Variants in RBFOX1 observed in about 807,000 individuals in gnomAD.
The protein encoded by RBFOX1 is RNA binding protein fox-1 homolog 1.
Under a neutral mutation model 57.7 loss-of-function variants are expected in RBFOX1, and 8 were observed. The observed-to-expected ratio is 0.14, with a 90% CI of 0.08 to 0.25. The LOEUF (loss-of-function observed/expected upper bound fraction) is 0.25. Among genes scored for constraint, RBFOX1 ranks in the 10% least tolerant of loss-of-function variants. The probability of loss-of-function intolerance (pLI) is 1.00; values close to 1 mark genes in which losing one functional copy is unlikely to be tolerated. For synonymous variants in RBFOX1, 326 were observed against 222.4 expected, an observed-to-expected ratio of 1.47 and a Z score of -4.15; for missense variants, 611 against 548.5, an observed-to-expected ratio of 1.11 and a Z score of -1.14.
At chr16:6,135,069 C>A (rs977455329) in intron 1 of RBFOX1, among the ~76,000 whole-genome samples, 2 of 151,484 alleles carry the variant, frequency 1.3e-5, no homozygotes, top group African/African-American at 4.8e-5. Flanking sequence ...TTGTTCAATT[C>A]CCACCTGTGA....
intron 4 of RBFOX1, among the ~76,000 whole-genome samples, chr16:5,900,701 G>C (rs1285012057): frequency 6.6e-6 from 1 of 152,134 alleles, no homozygotes; most frequent in Non-Finnish European, 1.5e-5. Context: ...CAAGTCATGC[G>C]GGGTTCTTGG....
intron 1 of RBFOX1, among the ~76,000 whole-genome samples, chr16:5,268,428 A>G (rs1428135535): frequency 6.6e-6 from 1 of 151,996 alleles, no homozygotes; most frequent in Non-Finnish European, 1.5e-5. Flanking sequence ...AAGAGTTAGG[A>G]TTTCAAAGAC....
At chr16:6,900,330 C>G (rs1296428001) in intron 3 of RBFOX1, among the ~76,000 whole-genome samples, 1 of 152,222 alleles carries the variant, frequency 6.6e-6, no homozygotes, top group East Asian at 1.9e-4. Context: ...TCATCTCCCC[C>G]TGGAGCTACC....
chr16:7,422,982 C>G (rs934203620), intron 4 of RBFOX1: 8 of 152,324 alleles, frequency 5.3e-5, no homozygotes, highest in East Asian at 3.9e-4. Flanking sequence ...GTCCTTTACA[C>G]TGACACCTGG....
intron 2 of RBFOX1, among the ~76,000 whole-genome samples, chr16:5,527,775 T>C (rs1301762962): frequency 6.6e-6 from 1 of 152,138 alleles, no homozygotes; most frequent in Non-Finnish European, 1.5e-5. Flanking sequence ...TAAGGGACGA[T>C]CTTTGAGAGG....
rs1160692846 is a variant in RBFOX1, at chr16:7,333,776, TC to T, written c.28-184366del. ...ATAAACAATTGGGGACCTTTTTTTT[TC>T]CCCCTCATCATAAGGTTTTCTTTGC... is the stretch of plus-strand genomic sequence containing the variant. On this transcript the variant is annotated intron_variant, in intron 4 of 15. Coordinates refer to ENST00000550418, the MANE Select transcript of RBFOX1 (RefSeq NM_018723.4). 3.4e-5 allele frequency among the ~76,000 whole-genome samples: 5 copies of T among 145,404 alleles called. No individual in the cohort carries two copies. In the Middle Eastern group the frequency reaches 0.011, roughly 316 times the overall value.
chr16:6,412,587 A>G (rs2152973862), intron 2 of RBFOX1, among the ~76,000 whole-genome samples: 1 of 152,370 alleles, frequency 6.6e-6, no homozygotes, highest in Non-Finnish European at 1.5e-5. Context: ...CCTCATAATA[A>G]GAAATACATT....
At chr16:5,940,986 C>T (rs553334352) in intron 4 of RBFOX1, among the ~76,000 whole-genome samples, 2 of 152,120 alleles carry the variant, frequency 1.3e-5, no homozygotes, top group Admixed American at 1.3e-4. Flanking sequence ...AGTCTGTTTC[C>T]TCATCTTTAC....
intron 3 of RBFOX1, among the ~76,000 whole-genome samples, chr16:5,860,760 A>G (rs887041244): frequency 2.6e-5 from 4 of 152,196 alleles, no homozygotes; most frequent in African/African-American, 9.6e-5. Flanking sequence ...GTCATGGGTC[A>G]ACGTCCTTCT....
At chr16:6,119,299 G>A (rs999261836) in intron 1 of RBFOX1, among the ~76,000 whole-genome samples, 2 of 152,084 alleles carry the variant, frequency 1.3e-5, no homozygotes, top group African/African-American at 2.4e-5. Flanking sequence ...GTTTGACCCT[G>A]AGTAGAATGA....
chr16:6,441,309 G>C (rs1365467108), intron 2 of RBFOX1, among the ~76,000 whole-genome samples: 1 of 152,200 alleles, frequency 6.6e-6, no homozygotes, highest in Non-Finnish European at 1.5e-5. Flanking sequence ...AAGGGAACGA[G>C]CTCTCTCCTG....
chr16:6,215,042 GA>G (rs1435106311), intron 1 of RBFOX1, among the ~76,000 whole-genome samples: 5 of 132,340 alleles, frequency 3.8e-5, no homozygotes, highest in South Asian at 2.9e-4. Context: ...TGGAGAGGGA[GA>G]GGGGAGAAGG....
intron 4 of RBFOX1, among the ~76,000 whole-genome samples, chr16:5,976,085 A>G (rs528120554): frequency 1.3e-5 from 2 of 152,286 alleles, no homozygotes; most frequent in East Asian, 3.9e-4. Context: ...CGGAGGTTGC[A>G]GTGAGCCAAG....
intron 3 of RBFOX1, among the ~76,000 whole-genome samples, chr16:6,755,687 A>G (rs960503325): frequency 1.3e-5 from 2 of 152,190 alleles, no homozygotes; most frequent in African/African-American, 4.8e-5. Flanking sequence ...TATAAATATA[A>G]TACTAGAGAA....
chr16:7,574,215 G>A lies in RBFOX1; in HGVS notation c.271-5562G>A, dbSNP rs370913596. Among the ~76,000 whole-genome samples, 65 of 152,300 alleles carry A rather than the reference G, an allele frequency of 4.3e-4. 1 individual carries two copies. Among genetic ancestry groups the A allele is most frequent in the African/African-American group, 1.5e-3 (64 of 41,564 alleles). ...CAGGCGTCATTGCATCCAGGGCCAT[G>A]ATCGAAGGCCACTGGGGAGAGTGGG... On this transcript the variant is annotated intron_variant, in intron 5 of 15. Coordinates refer to ENST00000550418, the MANE Select transcript of RBFOX1 (RefSeq NM_018723.4).
At chr16:6,904,123 C>T (rs114650011) in intron 3 of RBFOX1, among the ~76,000 whole-genome samples, 2,135 of 152,254 alleles carry the variant, frequency 0.014, 61 homozygotes, top group African/African-American at 0.048. Flanking sequence ...CCTAATAGTG[C>T]AGTTCGTTCT....
chr16:5,780,221 T>C (rs1024876184), intron 3 of RBFOX1, among the ~76,000 whole-genome samples: 1 of 152,222 alleles, frequency 6.6e-6, no homozygotes, highest in African/African-American at 2.4e-5. Flanking sequence ...CAGGCTGGTC[T>C]TGAAATCCTG....
intron 2 of RBFOX1, among the ~76,000 whole-genome samples, chr16:5,530,305 C>G (rs538804267): frequency 1.1e-4 from 16 of 152,282 alleles, no homozygotes; most frequent in African/African-American, 3.9e-4. Context: ...CCTGGCCTTT[C>G]TCTCATTTAT....
chr16:6,536,623 C>T (rs78674506), intron 2 of RBFOX1, among the ~76,000 whole-genome samples: 3,498 of 152,094 alleles, frequency 0.023, 53 homozygotes, highest in African/African-American at 0.037. Flanking sequence ...TAGTTGGCAG[C>T]AAACAGAAGT....
Sources: allele counts gnomAD v4.1 joint callset (sites outside exome capture counted in the v4.1 genomes callset), GRCh38; gene constraint gnomAD v4.1.1; transcripts MANE v1.5; gene names NCBI Gene and HGNC (gene_info 2026-07-23, HGNC 2026-07-21).